FMN1: variants seen among roughly 807,000 people sequenced by gnomAD.
FMN1 encodes the protein formin-1.
In FMN1, 110 loss-of-function variants were observed where a neutral mutation model predicts 132.4. The observed-to-expected ratio is 0.83, with a 90% CI of 0.71 to 0.97. The LOEUF (loss-of-function observed/expected upper bound fraction) is 0.97, where lower values mean the gene tolerates loss of function less well. Ranked by LOEUF, FMN1 falls within the 50% of genes least tolerant of loss-of-function variation. The pLI is 0.00. For synonymous variants in FMN1, 722 were observed against 651.7 expected (o/e 1.11, Z -1.64); for missense variants, 1,792 against 1,705.3 (o/e 1.05, Z -0.90).
In FMN1 at chr15:32,765,598, C is replaced by G. The variant is rs1010071232; in HGVS notation, c.*8712G>C. ...CCCTTAGCATATTTACAATTGAAAG[C>G]CATGAATGCAATTCTCTGTAAATTC... On this transcript the variant is annotated 3_prime_UTR_variant, in exon 21 of 21. Transcript: ENST00000616417. The G allele has an allele frequency of 2.0e-5, 3 of 150,348 alleles. No homozygotes were observed. Among genetic ancestry groups the G allele is most frequent in the African/African-American group, 7.4e-5 (3 of 40,788 alleles). The allele number at this position is 150,348 out of a possible 1,614,324, so 9.3% of individuals were successfully genotyped here. A position where few individuals can be genotyped will look rare whatever the true frequency, so the allele number is the denominator to read the frequency against.
intron 16 of FMN1, among the ~76,000 whole-genome samples, chr15:32,881,728 G>A (rs571857974): frequency 1.3e-5 from 2 of 152,076 alleles, no homozygotes; most frequent in African/African-American, 4.8e-5. Flanking sequence ...GACACCAGGT[G>A]GCAGAGGTCA....
intron 4 of FMN1, among the ~76,000 whole-genome samples, chr15:33,089,501 T>C (rs796322765): frequency 1.3e-5 from 2 of 152,236 alleles, no homozygotes; most frequent in South Asian, 2.1e-4. Flanking sequence ...GCTTTTGTCA[T>C]CTCTAGAATC....
intron 17 of FMN1, among the ~76,000 whole-genome samples, chr15:32,841,809 T>C (rs2058751332): frequency 6.6e-6 from 1 of 152,226 alleles, no homozygotes; most frequent in South Asian, 2.1e-4. Context: ...AACAGATATG[T>C]ATTTTGCTAT....
intron 16 of FMN1, among the ~76,000 whole-genome samples, chr15:32,887,716 T>C (rs1167793676): frequency 6.6e-6 from 1 of 152,200 alleles, no homozygotes; most frequent in Non-Finnish European, 1.5e-5. Flanking sequence ...GAGTTCTAAT[T>C]AGACAGACTT....
chr15:32,939,942 A>G (rs2061364062), intron 9 of FMN1, among the ~76,000 whole-genome samples: 1 of 152,178 alleles, frequency 6.6e-6, no homozygotes, highest in African/African-American at 2.4e-5. Flanking sequence ...TTCAAATACA[A>G]AAGTTATAAG....
chr15:33,131,095 C>T (rs2444960), intron 4 of FMN1, among the ~76,000 whole-genome samples: 47,491 of 151,830 alleles, frequency 0.31, 8,037 homozygotes, highest in East Asian at 0.64. Context: ...TTTGGGGGGC[C>T]GAGGCAGGTG....
chr15:32,856,942 G>T (rs2059145936), intron 17 of FMN1, 73 bp downstream of exon 17: 4 of 1,083,992 alleles, frequency 3.7e-6, no homozygotes, highest in Non-Finnish European at 5.7e-6. Flanking sequence ...GGGGCCGTGG[G>T]CCTCAGAGAA....
At chr15:33,111,104 C>T (rs2039684253) in intron 4 of FMN1, among the ~76,000 whole-genome samples, 1 of 129,910 alleles carries the variant, frequency 7.7e-6, no homozygotes, top group Non-Finnish European at 1.6e-5. Flanking sequence ...CCATTTCCCT[C>T]ACAATCTATG....
intron 4 of FMN1, among the ~76,000 whole-genome samples, chr15:33,097,210 T>A (rs1371617780): frequency 6.6e-6 from 1 of 151,006 alleles, no homozygotes; most frequent in Non-Finnish European, 1.5e-5. Flanking sequence ...GGTGGGAGGA[T>A]CACTTGTTAC....
In FMN1 at chr15:33,065,617, G is replaced by C. The variant is rs148947270; in HGVS notation, c.2044-543C>G. On this transcript the variant is annotated intron_variant, in intron 5 of 20. Transcript: ENST00000616417. ...TATATGTGTTGATTTTTACAACTAG[G>C]AGAATGTTATATTGTGCTTGGTTTT... Among the ~76,000 whole-genome samples the C allele has an allele frequency of 6.6e-5, 10 of 152,134 alleles. No homozygotes were observed. In the East Asian group the frequency reaches 1.9e-3, roughly 29 times the overall value.
chr15:32,982,423 C>T (rs114281272), intron 7 of FMN1, among the ~76,000 whole-genome samples: 1 of 152,104 alleles, frequency 6.6e-6, no homozygotes, highest in Non-Finnish European at 1.5e-5. Flanking sequence ...CACATTTGCC[C>T]AAGTGAAACA....
At chr15:33,039,078 C>CA (rs2141107912) in intron 6 of FMN1, among the ~76,000 whole-genome samples, 1 of 152,180 alleles carries the variant, frequency 6.6e-6, no homozygotes, top group East Asian at 1.9e-4. Flanking sequence ...GGGGATAAAA[C>CA]AAACACACAC....
At chr15:32,831,355 A>C (rs577500419) in intron 17 of FMN1, among the ~76,000 whole-genome samples, 1 of 152,196 alleles carries the variant, frequency 6.6e-6, no homozygotes, top group South Asian at 2.1e-4. Context: ...GTAGCTGGGA[A>C]TACAGGCACC....
Position 32,900,002 on chromosome 15 carries a change from T to C in FMN1, c.3631A>G (p.Lys1211Glu). Reference protein sequence around the residue: ...ADGYSLEILPKLKDVKSRDNG... With the variant: ...ADGYSLEILPELKDVKSRDNG... ...ACCCGACTTTTGACATCCTTGAGTT[T>C]GGGCAGAATTTCTAAGCTATATCCA... is the stretch of plus-strand genomic sequence containing the variant. The change falls in exon 14 of 21, where the codon AAA becomes GAA. Residue 1211 changes from lysine to glutamate, a missense_variant. This residue lies in a region of FMN1 where 1,150 missense variants were observed against 1,043.1 expected (regional missense o/e 1.10). Transcript: ENST00000616417. The C allele has an allele frequency of 6.2e-7, 1 of 1,613,872 alleles. No individual in the cohort carries two copies. Among genetic ancestry groups the C allele is most frequent in the African/African-American group, 1.3e-5 (1 of 75,066 alleles).
intron 5 of FMN1, among the ~76,000 whole-genome samples, chr15:33,077,073 G>A (rs2038241224): frequency 6.6e-6 from 1 of 152,182 alleles, no homozygotes; most frequent in South Asian, 2.1e-4. Context: ...CTGTCGCCTA[G>A]GCTGGAGTGC....
chr15:33,098,024 T>TA lies in FMN1; in HGVS notation c.1868-9051dup, dbSNP rs1278559390. Among the ~76,000 whole-genome samples, 5 of 152,252 alleles carry TA rather than the reference T, an allele frequency of 3.3e-5. No individual in the cohort carries two copies. In the East Asian group the frequency reaches 9.6e-4, roughly 29 times the overall value. ...GCCACAAAACAAGTCTCAATGAATT[T>TA]AAAAGGATCAAAATCATATGAAATA... On this transcript the variant is annotated intron_variant, in intron 4 of 20. Transcript: ENST00000616417.
intron 6 of FMN1, among the ~76,000 whole-genome samples, chr15:33,043,295 G>A (rs1288448092): frequency 1.3e-5 from 2 of 152,216 alleles, no homozygotes; most frequent in Non-Finnish European, 2.9e-5. Context: ...TATAACAAAT[G>A]GAGGTGTAAA....
intron 16 of FMN1, among the ~76,000 whole-genome samples, chr15:32,862,982 A>G (rs1263864205): frequency 6.6e-6 from 1 of 152,220 alleles, no homozygotes; most frequent in African/African-American, 2.4e-5. Flanking sequence ...CTCCCTGCTC[A>G]AAGGACCGCC....
chr15:32,887,395 T>A (rs757172178), intron 16 of FMN1, among the ~76,000 whole-genome samples: 17 of 152,160 alleles, frequency 1.1e-4, no homozygotes, highest in Non-Finnish European at 2.4e-4. Context: ...GACAAGGAGA[T>A]GTCTCCACAG....
Sources: allele counts gnomAD v4.1 joint callset (sites outside exome capture counted in the v4.1 genomes callset), GRCh38; gene constraint gnomAD v4.1.1; regional missense constraint gnomAD v4.1.1; transcripts MANE v1.5; gene names NCBI Gene and HGNC (gene_info 2026-07-23, HGNC 2026-07-21).